Variants in ACKR5 observed in about 807,000 individuals in gnomAD.
ACKR5 encodes the protein atypical chemokine receptor 5, also known as G protein-coupled receptor 182.
the ACKR5 span, chr12:56,997,483 G>C: frequency 6.6e-6 from 1 of 152,314 alleles, no homozygotes; most frequent in South Asian, 2.1e-4. Context: ...TAATTTTCCT[G>C]TCCCACAACT....
chr12:56,996,521 C>T, the ACKR5 span: 4 of 1,099,638 alleles, frequency 3.6e-6, no homozygotes, highest in South Asian at 3.2e-5. Flanking sequence ...TCAAAGCACT[C>T]GTGGTCAATT....
chr12:56,998,189 A>G, the ACKR5 span: 1 of 152,220 alleles, frequency 6.6e-6, no homozygotes, highest in Non-Finnish European at 1.5e-5. Context: ...GTCACATTCC[A>G]GATCACCTTA....
At chr12:56,995,148 C>T in the ACKR5 span, 2 of 1,495,860 alleles carry the variant, frequency 1.3e-6, no homozygotes, top group Non-Finnish European at 9.1e-7. This position sits in a 1 kb window ranked among gnomAD's most constrained non-coding sequence, Gnocchi z 4.7. Flanking sequence ...GGACACAAGG[C>T]TCTCGAGGTC....
the ACKR5 span, chr12:56,998,058 A>C: frequency 2.0e-5 from 3 of 152,230 alleles, no homozygotes; most frequent in Admixed American, 6.5e-5. Flanking sequence ...ATTCACATTG[A>C]AAAAGACTTT....
the ACKR5 span, chr12:56,995,333 G>C: frequency 6.2e-7 from 1 of 1,614,218 alleles, no homozygotes; most frequent in Non-Finnish European, 8.5e-7. This position sits in a 1 kb window ranked among gnomAD's most constrained non-coding sequence, Gnocchi z 4.7. Context: ...CACTTTGTCT[G>C]AGTGCCACGT....
the ACKR5 span, chr12:56,996,098 C>T: frequency 1.2e-5 from 19 of 1,613,572 alleles, no homozygotes; most frequent in African/African-American, 2.4e-4. Flanking sequence ...CCTGGTCCAC[C>T]TGCTCTACTT....
chr12:56,995,715 TG>T, the ACKR5 span: 8 of 1,613,542 alleles, frequency 5.0e-6, no homozygotes, highest in Non-Finnish European at 5.9e-6. The surrounding 1 kb of genome is among the most constrained non-coding windows in gnomAD (Gnocchi z 4.7). Context: ...CAGCACCGAG[TG>T]CGGCGGGCCA....
At chr12:56,994,544 A>C in the ACKR5 span, 1 of 153,008 alleles carries the variant, frequency 6.5e-6, no homozygotes, top group African/African-American at 2.4e-5. Context: ...GCCAGCAGGG[A>C]AGCCAGCCCC....
the ACKR5 span, chr12:56,995,681 G>A: frequency 4.3e-6 from 7 of 1,613,624 alleles, no homozygotes; most frequent in East Asian, 2.2e-5. This position sits in a 1 kb window ranked among gnomAD's most constrained non-coding sequence, Gnocchi z 4.7. Context: ...CCTCACCAGC[G>A]CCTCCCCCTC....
the ACKR5 span, chr12:56,995,228 TG>T: frequency 1.2e-6 from 2 of 1,613,542 alleles, no homozygotes; most frequent in Admixed American, 3.3e-5. The surrounding 1 kb of genome is among the most constrained non-coding windows in gnomAD (Gnocchi z 4.7). Context: ...GAAACCCAGC[TG>T]GGGGCCTGGC....
chr12:56,996,503 G>A, the ACKR5 span: 1 of 1,334,584 alleles, frequency 7.5e-7, no homozygotes, highest in South Asian at 1.4e-5. Flanking sequence ...GGGATGTAGA[G>A]GGGAGGGTCA....
chr12:56,996,073 C>G, the ACKR5 span: 2 of 1,612,804 alleles, frequency 1.2e-6, no homozygotes, highest in African/African-American at 2.7e-5. Flanking sequence ...GGACCCACAT[C>G]TCCCTCCACT....
At chr12:56,995,553 T>C in the ACKR5 span, 2 of 1,614,096 alleles carry the variant, frequency 1.2e-6, no homozygotes, top group Admixed American at 3.3e-5. The surrounding 1 kb of genome is among the most constrained non-coding windows in gnomAD (Gnocchi z 4.7). Flanking sequence ...GAGGTCACGC[T>C]GGACTACACC....
At chr12:56,995,423 C>T in the ACKR5 span, 1 of 1,614,216 alleles carries the variant, frequency 6.2e-7, no homozygotes, top group Non-Finnish European at 8.5e-7. This position sits in a 1 kb window ranked among gnomAD's most constrained non-coding sequence, Gnocchi z 4.7. Flanking sequence ...GGTGGAGAAC[C>T]TCCTGGTGAT....
chr12:56,995,653 T>A, the ACKR5 span: 33 of 1,613,976 alleles, frequency 2.0e-5, no homozygotes, highest in Non-Finnish European at 2.8e-5. The surrounding 1 kb of genome is among the most constrained non-coding windows in gnomAD (Gnocchi z 4.7). Flanking sequence ...TGTGCCTCAG[T>A]GTCGACCGCT....
At chr12:56,996,599 C>T in the ACKR5 span, 1 of 608,250 alleles carries the variant, frequency 1.6e-6, no homozygotes, top group Non-Finnish European at 2.9e-6. Context: ...AGAGCAGGCC[C>T]TCAGTGTTGT....
the ACKR5 span, chr12:56,995,119 C>A: frequency 8.3e-7 from 1 of 1,198,190 alleles, no homozygotes; most frequent in Non-Finnish European, 1.2e-6. The surrounding 1 kb of genome is among the most constrained non-coding windows in gnomAD (Gnocchi z 4.7). Context: ...CCCCCGACTC[C>A]CTCTGGCCTC....
chr12:56,995,161 C>A, the ACKR5 span: 1 of 1,560,814 alleles, frequency 6.4e-7, no homozygotes, highest in South Asian at 1.2e-5. The surrounding 1 kb of genome is among the most constrained non-coding windows in gnomAD (Gnocchi z 4.7). Flanking sequence ...TCGAGGTCTG[C>A]TTTCCCTTCC....
the ACKR5 span, chr12:56,995,564 T>G: frequency 6.2e-7 from 1 of 1,614,156 alleles, no homozygotes; most frequent in Middle Eastern, 1.6e-4. The surrounding 1 kb of genome is among the most constrained non-coding windows in gnomAD (Gnocchi z 4.7). Context: ...GGACTACACC[T>G]GGCTCTGGGG....
Sources: gnomAD v4.1 joint callset for allele counts on GRCh38, gnomAD v4.1.1 for gene constraint, Gnocchi (gnomAD v3.1) non-coding constraint, MANE v1.5 for transcripts, NCBI Gene and HGNC (gene_info 2026-07-23, HGNC 2026-07-21) for gene names.